The following PDE4B variants were observed in gnomAD, a reference collection of about 807,000 sequenced individuals.
PDE4B encodes the protein 3',5'-cyclic-AMP phosphodiesterase 4B.
Under a neutral mutation model 82.2 loss-of-function variants are expected in PDE4B, and 20 were observed. The ratio of observed to expected loss-of-function variants is 0.24; its 90% CI spans 0.17 to 0.35. The LOEUF (loss-of-function observed/expected upper bound fraction) is 0.35, where lower values mean the gene tolerates loss of function less well. Among genes scored for constraint, PDE4B ranks in the 10% least tolerant of loss-of-function variants. The pLI, the probability that PDE4B is intolerant of heterozygous loss-of-function variation, is 1.00. For synonymous variants in PDE4B, 320 were observed against 318.9 expected, an observed-to-expected ratio of 1.00 and a Z score of -0.04; for missense variants, 655 against 907.2, an observed-to-expected ratio of 0.72 and a Z score of 3.57.
chr1:65,806,134 A>G (rs1430156873), intron 1 of PDE4B, among the ~76,000 whole-genome samples: 1 of 152,204 alleles, frequency 6.6e-6, no homozygotes, highest in Non-Finnish European at 1.5e-5. Flanking sequence ...GATGTCAATC[A>G]TGAGTTGGTT....
At chr1:66,100,837 TA>T (rs1315394288) in intron 3 of PDE4B, among the ~76,000 whole-genome samples, 1 of 152,202 alleles carries the variant, frequency 6.6e-6, no homozygotes, top group Admixed American at 6.5e-5. Context: ...TTTTTATTTT[TA>T]TTTTTTATTA....
rs545966484 is a variant in PDE4B at position 66,182,258 on chromosome 1, AT to A, written c.282-65195del. Among the ~76,000 whole-genome samples the A allele has an allele frequency of 7.2e-3, 1,097 of 151,910 alleles. 8 individuals are homozygous for A. Among genetic ancestry groups the A allele is most frequent in the Non-Finnish European group, 0.012 (847 of 67,960 alleles). On this transcript the variant is annotated intron_variant, in intron 3 of 16. Transcript: ENST00000341517. ...GTAAAGCTTCGTTATATCTGTACCT[AT>A]TTTTTTCTGAACATTTGGACATTTC...
At chr1:66,264,070 G>A (rs1350612261) in intron 6 of PDE4B, among the ~76,000 whole-genome samples, 1 of 152,102 alleles carries the variant, frequency 6.6e-6, no homozygotes, top group Non-Finnish European at 1.5e-5. Context: ...TTAATCAAAG[G>A]AACTATGTAT....
At chr1:65,816,642 A>G (rs930807901) in intron 1 of PDE4B, among the ~76,000 whole-genome samples, 5 of 152,232 alleles carry the variant, frequency 3.3e-5, no homozygotes, top group African/African-American at 1.2e-4. Flanking sequence ...ATGGACAAAG[A>G]AAGCAAAACA....
intron 3 of PDE4B, among the ~76,000 whole-genome samples, chr1:66,002,785 A>G (rs1424910843): frequency 6.6e-6 from 1 of 152,116 alleles, no homozygotes; most frequent in Non-Finnish European, 1.5e-5. Flanking sequence ...GATCAATCCT[A>G]GAACTAATTT....
At chr1:66,210,846 C>T (rs559415357) in intron 3 of PDE4B, among the ~76,000 whole-genome samples, 67 of 152,250 alleles carry the variant, frequency 4.4e-4, no homozygotes, top group South Asian at 1.7e-3. Context: ...CGTTTCTGCT[C>T]CTGATCATAA....
chr1:66,073,775 T>C (rs1308840904), intron 3 of PDE4B, among the ~76,000 whole-genome samples: 1 of 152,160 alleles, frequency 6.6e-6, no homozygotes, highest in Non-Finnish European at 1.5e-5. Flanking sequence ...TGGACCATAT[T>C]TGAACACTTA....
intron 3 of PDE4B, among the ~76,000 whole-genome samples, chr1:65,943,462 A>G (rs1402368552): frequency 6.6e-6 from 1 of 151,960 alleles, no homozygotes; most frequent in African/African-American, 2.4e-5. Flanking sequence ...ATTTTTGCTT[A>G]AGATTGCTTT....
intron 1 of PDE4B, among the ~76,000 whole-genome samples, chr1:65,793,628 G>A (rs1248201030): frequency 1.3e-5 from 2 of 152,224 alleles, no homozygotes; most frequent in Admixed American, 6.5e-5. Context: ...CAGGCAGCGG[G>A]CGCGGAAGGG....
intron 1 of PDE4B, among the ~76,000 whole-genome samples, chr1:65,903,681 TC>T (rs1252582547): frequency 1.3e-5 from 2 of 152,218 alleles, no homozygotes; most frequent in Admixed American, 1.3e-4. Flanking sequence ...ATTTCTATGT[TC>T]CTTTATGTTC....
chr1:66,205,772 A>C (rs483098), intron 3 of PDE4B, among the ~76,000 whole-genome samples: 33,608 of 152,180 alleles, frequency 0.22, 3,864 homozygotes, highest in Non-Finnish European at 0.24. Flanking sequence ...GCTAGAAAGG[A>C]ACATTCACTA....
chr1:66,171,864 T>C (rs1258292455), intron 3 of PDE4B, among the ~76,000 whole-genome samples: 1 of 152,212 alleles, frequency 6.6e-6, no homozygotes, highest in Non-Finnish European at 1.5e-5. Context: ...GATATGTGAC[T>C]CATTGTGGTG....
intron 3 of PDE4B, among the ~76,000 whole-genome samples, chr1:66,136,153 TC>T (rs1204353214): frequency 6.6e-6 from 1 of 152,140 alleles, no homozygotes; most frequent in Non-Finnish European, 1.5e-5. Context: ...ACCATGCAGT[TC>T]CACTTTTTAA....
At chr1:65,812,779 C>T (rs1645834874) in intron 1 of PDE4B, among the ~76,000 whole-genome samples, 1 of 152,166 alleles carries the variant, frequency 6.6e-6, no homozygotes, top group Admixed American at 6.5e-5. Flanking sequence ...TTGAGAAGCT[C>T]TATTCTAAAG....
chr1:66,115,774 C>T (rs1442804268), intron 3 of PDE4B, among the ~76,000 whole-genome samples: 2 of 152,144 alleles, frequency 1.3e-5, no homozygotes, highest in African/African-American at 4.8e-5. Flanking sequence ...TGTGAAGAAT[C>T]TTGATAAAAT....
chr1:65,859,399 A>C (rs1326776895), intron 1 of PDE4B, among the ~76,000 whole-genome samples: 1 of 152,178 alleles, frequency 6.6e-6, no homozygotes, highest in Non-Finnish European at 1.5e-5. Flanking sequence ...TGTAAAATAC[A>C]AAAGAATATG....
chr1:66,116,854 C>T (rs74869604), intron 3 of PDE4B, among the ~76,000 whole-genome samples: 8,401 of 152,134 alleles, frequency 0.055, 566 homozygotes, highest in East Asian at 0.3. Flanking sequence ...GGTGAGCCAC[C>T]GCACCTGGCA....
At position 65,963,757 on chromosome 1, in the gene PDE4B, C is replaced by G. The variant is rs142063908; in HGVS notation, c.281+44922C>G. Among the ~76,000 whole-genome samples, 463 of 152,286 alleles carry G rather than the reference C, an allele frequency of 3.0e-3. 2 individuals carry two copies. The highest frequency in any genetic ancestry group is 0.01 in the African/African-American group (423 of 41,568). ...TGAGGCGAGCCCTGTCACACTCATT[C>G]TTCCTTCTTCAAATAACACAATCAT... is the stretch of plus-strand genomic sequence containing the variant. On this transcript the variant is annotated intron_variant, in intron 3 of 16. Coordinates refer to ENST00000341517, the MANE Select transcript of PDE4B (RefSeq NM_002600.4).
chr1:65,984,652 G>A (rs886582602), intron 3 of PDE4B, among the ~76,000 whole-genome samples: 4 of 152,126 alleles, frequency 2.6e-5, no homozygotes, highest in Admixed American at 1.3e-4. Flanking sequence ...CTATTCAGAC[G>A]GCTGAGGCAG....
Sources: gnomAD v4.1 joint callset for allele counts (sites outside exome capture counted in the v4.1 genomes callset) on GRCh38, gnomAD v4.1.1 for gene constraint, MANE v1.5 for transcripts, NCBI Gene and HGNC (gene_info 2026-07-23, HGNC 2026-07-21) for gene names.